The following TEX9 variants were observed in gnomAD, a reference collection of about 807,000 sequenced individuals.
TEX9 encodes testis expressed 9, also known as testis-expressed protein 9.
In TEX9, 74 loss-of-function variants were observed where a neutral mutation model predicts 59.6. The observed-to-expected ratio is 1.24, with a 90% CI of 1.03 to 1.51. TEX9 has a LOEUF of 1.51. Among genes scored for constraint, TEX9 ranks in the 40% most tolerant of loss-of-function variants. The pLI is 0.00. For synonymous variants in TEX9, 186 were observed against 152.2 expected (o/e 1.22, Z -1.64); for missense variants, 522 against 447.8 (o/e 1.17, Z -1.49).
intron 1 of TEX9, among the ~76,000 whole-genome samples, chr15:56,358,790 G>A (rs1339791329): frequency 6.6e-6 from 1 of 152,132 alleles, no homozygotes; most frequent in Non-Finnish European, 1.5e-5. Context: ...TGAATCATGG[G>A]AGTGGTGTCC....
intron 12 of TEX9, chr15:56,428,785 C>CACAG (rs2140301516): frequency 2.8e-6 from 1 of 353,552 alleles, no homozygotes; most frequent in East Asian, 5.1e-5. Flanking sequence ...AGTTCGTAAA[C>CACAG]ACAGACAGAA....
chr15:56,377,888 G>C (rs1188467126), intron 3 of TEX9, among the ~76,000 whole-genome samples: 1 of 152,116 alleles, frequency 6.6e-6, no homozygotes, highest in Admixed American at 6.5e-5. Flanking sequence ...ATTGAGGTCT[G>C]TTCCTTTTAT....
intron 12 of TEX9, among the ~76,000 whole-genome samples, chr15:56,437,221 A>C (rs1299270905): frequency 1.3e-5 from 2 of 152,216 alleles, no homozygotes; most frequent in Admixed American, 1.3e-4. Flanking sequence ...CCGCAATAAA[A>C]TACTGGCAAA....
the TEX9 span, among the ~76,000 whole-genome samples, chr15:56,458,698 T>C: frequency 6.6e-6 from 1 of 152,204 alleles, no homozygotes; most frequent in African/African-American, 2.4e-5. Flanking sequence ...TAGTCGGAAT[T>C]ATACAGAATG....
intron 1 of TEX9, among the ~76,000 whole-genome samples, chr15:56,256,406 A>AAT: frequency 6.6e-6 from 1 of 152,230 alleles, no homozygotes; most frequent in East Asian, 1.9e-4. Flanking sequence ...ATCTACATAT[A>AAT]CTCAGAGAAA....
the TEX9 span, among the ~76,000 whole-genome samples, chr15:56,450,999 T>C: frequency 1.3e-5 from 2 of 152,248 alleles, no homozygotes; most frequent in Non-Finnish European, 1.5e-5. Flanking sequence ...GTTGAGTATA[T>C]TTTCATGTAC....
intron 3 of TEX9, chr15:56,374,463 A>ACAGGT (rs1306205263): frequency 2.6e-5 from 4 of 152,172 alleles, no homozygotes; most frequent in Non-Finnish European, 5.9e-5. Context: ...ATATTTTGAT[A>ACAGGT]CAGGCATGCA....
At chr15:56,371,039 T>C (rs1185966853) in intron 2 of TEX9, among the ~76,000 whole-genome samples, 1 of 152,094 alleles carries the variant, frequency 6.6e-6, no homozygotes, top group Admixed American at 6.5e-5. Context: ...GTATTTTTAG[T>C]AGAGCCGGGG....
chr15:56,413,903 T>C (rs2049532912), intron 10 of TEX9, among the ~76,000 whole-genome samples: 1 of 151,762 alleles, frequency 6.6e-6, no homozygotes, highest in African/African-American at 2.4e-5. Flanking sequence ...TAAGATGTCG[T>C]CTGTGAGATA....
chr15:56,345,367 A>G (rs1194022850), intron 1 of TEX9, among the ~76,000 whole-genome samples: 3 of 152,142 alleles, frequency 2.0e-5, no homozygotes, highest in Non-Finnish European at 2.9e-5. Context: ...GGCAGGAATT[A>G]CTAATGGCAA....
At chr15:56,392,054 G>A (rs1460951521) in intron 7 of TEX9, among the ~76,000 whole-genome samples, 1 of 151,866 alleles carries the variant, frequency 6.6e-6, no homozygotes, top group Non-Finnish European at 1.5e-5. Context: ...GAGTATATAT[G>A]AACTAGTTAC....
intron 2 of TEX9, 181 bp downstream of exon 2, chr15:56,365,851 T>C: frequency 1.4e-6 from 2 of 1,422,586 alleles, no homozygotes; most frequent in Non-Finnish European, 1.8e-6. Flanking sequence ...GTAGTTCGCC[T>C]GCGTATTAGA....
rs189921866 is a variant in TEX9 at position 56,327,437 on chromosome 15, G to T, written c.-106-46004G>T. On this transcript the variant is annotated intron_variant, in intron 1 of 5. Coordinates refer to the TEX9 transcript ENST00000560827. ...ATGGGAAAGAATACCATTGGAGGGG[G>T]TGAAGCAAGATGGCAAGTAGAAGCC... 1.8e-3 allele frequency among the ~76,000 whole-genome samples: 276 copies of T among 152,252 alleles called. 2 individuals are homozygous for T. The highest frequency in any genetic ancestry group is 3.2e-3 in the Non-Finnish European group (219 of 68,026).
At chr15:56,428,266 T>C (rs1426259168) in intron 11 of TEX9, 101 bp from the exon 12 acceptor site, 9 of 795,640 alleles carry the variant, frequency 1.1e-5, no homozygotes, top group Non-Finnish European at 1.7e-5. Flanking sequence ...ACAGAACTTA[T>C]ATTCTGACAA....
At chr15:56,368,712 G>T (rs2047057319) in intron 2 of TEX9, among the ~76,000 whole-genome samples, 1 of 152,062 alleles carries the variant, frequency 6.6e-6, no homozygotes, top group South Asian at 2.1e-4. Context: ...AGTCTATGGT[G>T]GTATGTTTGA....
At chr15:56,413,181 TATTTA>T (rs1304741209) in intron 10 of TEX9, among the ~76,000 whole-genome samples, 1 of 67,712 alleles carries the variant, frequency 1.5e-5, no homozygotes, top group Non-Finnish European at 3.7e-5. Flanking sequence ...TTTTAAATTC[TATTTA>T]ATAATTAAAT....
At chr15:56,388,630 A>G in intron 5 of TEX9, 110 bp downstream of exon 5, 2 of 845,528 alleles carry the variant, frequency 2.4e-6, no homozygotes, top group Non-Finnish European at 3.8e-6. Flanking sequence ...CAGAAATAGA[A>G]TATGAACCTT....
intron 1 of TEX9, among the ~76,000 whole-genome samples, chr15:56,257,215 G>A (rs1335310208): frequency 1.3e-5 from 2 of 151,918 alleles, no homozygotes; most frequent in African/African-American, 4.8e-5. Context: ...GATTCCAGGT[G>A]TTTGCTATTG....
chr15:56,381,793 C>T (rs2047738067), intron 3 of TEX9, among the ~76,000 whole-genome samples: 1 of 152,226 alleles, frequency 6.6e-6, no homozygotes, highest in Non-Finnish European at 1.5e-5. Flanking sequence ...TGGGATTGTG[C>T]TCCGTCAGAC....
Sources: allele counts gnomAD v4.1 joint callset (sites outside exome capture counted in the v4.1 genomes callset), GRCh38; gene constraint gnomAD v4.1.1; transcripts MANE v1.5; gene names NCBI Gene and HGNC (gene_info 2026-07-23, HGNC 2026-07-21).